Variants in DLGAP4 observed in about 807,000 individuals in gnomAD.
The protein encoded by DLGAP4 is disks large-associated protein 4.
Under a neutral mutation model 86.9 loss-of-function variants are expected in DLGAP4, and 18 were observed. That is an observed-to-expected ratio of 0.21 (90% CI 0.14 to 0.31). The LOEUF is 0.31. DLGAP4 is among the 10% of genes least tolerant of loss of function. DLGAP4 has a pLI of 1.00. For synonymous variants in DLGAP4, 548 were observed against 574.3 expected (o/e 0.95, Z 0.65); for missense variants, 1,085 against 1,362.6 (o/e 0.80, Z 3.21).
chr20:36,444,255 A>G (rs1482855141), intron 6 of DLGAP4, among the ~76,000 whole-genome samples: 1 of 152,222 alleles, frequency 6.6e-6, no homozygotes, highest in Admixed American at 6.5e-5. Context: ...ACACTGCCCA[A>G]TGAGATAGCC....
At chr20:36,329,124 G>A (rs928123494) in intron 1 of DLGAP4, among the ~76,000 whole-genome samples, 7 of 152,116 alleles carry the variant, frequency 4.6e-5, no homozygotes, top group Admixed American at 4.6e-4. Flanking sequence ...TGGGCAGGCC[G>A]GTCTTGAACG....
intron 2 of DLGAP4, among the ~76,000 whole-genome samples, chr20:36,392,094 G>T (rs1403408057): frequency 6.6e-6 from 1 of 152,190 alleles, no homozygotes; most frequent in Non-Finnish European, 1.5e-5. Flanking sequence ...AGGGTGGTCT[G>T]GTTCAGAGTG....
In DLGAP4 at chr20:36,432,454, A is replaced by C; in HGVS notation, c.737A>C (p.Tyr246Ser). The change falls in exon 3 of 13, where the codon TAC becomes TCC. Residue 246 changes from tyrosine to serine, a missense_variant. Coordinates refer to ENST00000339266, the MANE Select transcript of DLGAP4 (RefSeq NM_001365621.2). The surrounding 1 kb of genome is among the most constrained non-coding windows in gnomAD (Gnocchi z 6.5). ...RSQPRYFMHA[Y>S]NTISGHMLKT... ...CAGCCACGCTACTTCATGCACGCCT[A>C]CAACACCATCAGTGGGCACATGCTC... is the stretch of plus-strand genomic sequence containing the variant. 1 of 1,613,882 alleles carries C rather than the reference A, an allele frequency of 6.2e-7. No individual in the cohort carries two copies. The highest frequency in any genetic ancestry group is 8.5e-7 in the Non-Finnish European group (1 of 1,180,032).
At chr20:36,407,317 G>C (rs538321055) in intron 2 of DLGAP4, among the ~76,000 whole-genome samples, 2 of 152,304 alleles carry the variant, frequency 1.3e-5, no homozygotes, top group African/African-American at 4.8e-5. Flanking sequence ...GAGTACAGTT[G>C]ACCTTCAGTG....
chr20:36,325,749 C>T (rs1034304904), intron 1 of DLGAP4, among the ~76,000 whole-genome samples: 14 of 149,400 alleles, frequency 9.4e-5, no homozygotes, highest in Non-Finnish European at 1.8e-4. Context: ...CTGAGTCTCG[C>T]TCTGTTGCCT....
chr20:36,354,124 T>TG (rs2030250929), intron 1 of DLGAP4, among the ~76,000 whole-genome samples: 1 of 152,144 alleles, frequency 6.6e-6, no homozygotes, highest in Non-Finnish European at 1.5e-5. Context: ...ACATTCTCTC[T>TG]GGGGGACTTG....
intron 7 of DLGAP4, among the ~76,000 whole-genome samples, chr20:36,471,230 T>C: frequency 6.6e-6 from 1 of 152,210 alleles, no homozygotes. Context: ...GGCTCATGCC[T>C]GTAATCCCAG....
At chr20:36,399,958 G>T (rs1050528253) in intron 2 of DLGAP4, among the ~76,000 whole-genome samples, 1 of 152,170 alleles carries the variant, frequency 6.6e-6, no homozygotes, top group Non-Finnish European at 1.5e-5. Flanking sequence ...CAGGAAACTG[G>T]TAACATTCAG....
intron 7 of DLGAP4, among the ~76,000 whole-genome samples, chr20:36,464,340 G>A (rs1368291257): frequency 6.6e-6 from 1 of 152,072 alleles, no homozygotes; most frequent in Non-Finnish European, 1.5e-5. Flanking sequence ...CAGGCAGGTC[G>A]CTTGAGCTCA....
intron 7 of DLGAP4, among the ~76,000 whole-genome samples, chr20:36,481,099 C>T (rs1275849826): frequency 6.6e-6 from 1 of 152,214 alleles, no homozygotes; most frequent in African/African-American, 2.4e-5. Flanking sequence ...AAGAGCGTCT[C>T]AGGCCCGGTA....
intron 10 of DLGAP4, among the ~76,000 whole-genome samples, chr20:36,523,452 G>A (rs2037505924): frequency 6.6e-6 from 1 of 152,144 alleles, no homozygotes; most frequent in Non-Finnish European, 1.5e-5. Flanking sequence ...TAGTGAAAGT[G>A]GTCCATTCTT....
Position 36,431,884 on chromosome 20 carries a change from G to T in DLGAP4, c.167G>T (p.Gly56Val), listed in dbSNP as rs1272203026. 2.5e-6 allele frequency: 4 copies of T among 1,614,086 alleles called. No individual in the cohort carries two copies. In the South Asian group the frequency reaches 4.4e-5, roughly 18 times the overall value. Residue 56 changes from glycine (G) to valine (V), a missense_variant, in exon 3 of 13, where the codon GGC becomes GTC. This residue lies in a region of DLGAP4 where 1,082 missense variants were observed against 1,344.1 expected (regional missense o/e 0.81). Transcript: ENST00000339266. This position sits in a 1 kb window ranked among gnomAD's most constrained non-coding sequence, Gnocchi z 5.1. The stretch of plus-strand genomic sequence containing the variant: ...GGGCAGAACACCCTGCCAGGAGATG[G>T]CCTCTTTCCCCTCAACAACCAGCTG... The part of the protein sequence containing the change: ...FPGQNTLPGD[G>V]LFPLNNQLPP...
At position 36,490,969 on chromosome 20, in the gene DLGAP4, C is replaced by T. The variant is rs112907933; in HGVS notation, c.1649-5736C>T. On this transcript the variant is annotated intron_variant, in intron 7 of 12. Transcript: ENST00000339266. ...CAGCACTTTGGGAGGCCAAGGTGGG[C>T]GGATCACGAGGTCAAGAGTTCAAGA... Among the ~76,000 whole-genome samples the T allele has an allele frequency of 9.9e-3, 1,467 of 148,436 alleles. 24 individuals are homozygous for T. Among genetic ancestry groups the T allele is most frequent in the African/African-American group, 0.035 (1,397 of 40,192 alleles).
At chr20:36,491,551 C>A (rs2035662629) in intron 7 of DLGAP4, among the ~76,000 whole-genome samples, 1 of 152,038 alleles carries the variant, frequency 6.6e-6, no homozygotes, top group African/African-American at 2.4e-5. Context: ...CAGCAGAAAC[C>A]CATGCATGTG....
chr20:36,435,286 A>G (rs2033241547), intron 3 of DLGAP4, among the ~76,000 whole-genome samples: 1 of 152,172 alleles, frequency 6.6e-6, no homozygotes, highest in Non-Finnish European at 1.5e-5. Context: ...GTGACCATCC[A>G]TTGTGTTTCC....
intron 2 of DLGAP4, among the ~76,000 whole-genome samples, chr20:36,387,843 T>C (rs1310862799): frequency 6.6e-6 from 1 of 152,236 alleles, no homozygotes; most frequent in Non-Finnish European, 1.5e-5. Context: ...CTCTGTTCTG[T>C]TTCATTGATC....
At chr20:36,467,071 C>CT (rs2034446468) in intron 7 of DLGAP4, among the ~76,000 whole-genome samples, 1 of 133,094 alleles carries the variant, frequency 7.5e-6, no homozygotes, top group South Asian at 2.3e-4. Flanking sequence ...TCTCCCCCCC[C>CT]CTTCTCTCGG....
intron 7 of DLGAP4, among the ~76,000 whole-genome samples, chr20:36,469,756 A>G (rs1363109982): frequency 2.0e-5 from 3 of 151,214 alleles, no homozygotes; most frequent in African/African-American, 2.4e-5. Context: ...CTGTCTCAAA[A>G]AAAAAAAAAA....
At position 36,396,542 on chromosome 20, in the gene DLGAP4, CACACACACCACAGACACACACAT is replaced by C. The variant is rs1569484796; in HGVS notation, c.-73+29280_-73+29302del. 1.8e-4 allele frequency among the ~76,000 whole-genome samples: 20 copies of C among 108,924 alleles called. No individual in the cohort carries two copies. In the East Asian group the frequency reaches 6.2e-3, roughly 34 times the overall value. 71.5% of individuals were successfully genotyped at this position (108,924 alleles called of 152,430 possible). A position where few individuals can be genotyped will look rare whatever the true frequency, so the allele number is the denominator to read the frequency against. The stretch of plus-strand genomic sequence containing the variant: ...ATACATACACGTGCACACACACGCA[CACACACACCACAGACACACACAT>C]ACACACACCACATACACACACCAGA... On this transcript the variant is annotated intron_variant, in intron 2 of 12. Transcript: ENST00000339266.
Sources: gnomAD v4.1 joint callset for allele counts (sites outside exome capture counted in the v4.1 genomes callset) on GRCh38, gnomAD v4.1.1 for gene constraint, gnomAD v4.1.1 regional missense constraint, Gnocchi (gnomAD v3.1) non-coding constraint, MANE v1.5 for transcripts, NCBI Gene and HGNC (gene_info 2026-07-23, HGNC 2026-07-21) for gene names.